ANAPC10: variants seen among roughly 807,000 people sequenced by gnomAD.
ANAPC10 encodes the protein anaphase-promoting complex subunit 10.
In ANAPC10, 12 loss-of-function variants were observed where a neutral mutation model predicts 22.0. The observed-to-expected ratio is 0.55, with a 90% confidence interval of 0.35 to 0.88. The LOEUF is 0.88. ANAPC10 is among the 40% of genes least tolerant of loss of function. ANAPC10 has a pLI of 0.01. For synonymous variants in ANAPC10, 65 were observed against 69.5 expected (o/e 0.94, Z 0.32); for missense variants, 188 against 220.9 (o/e 0.85, Z 0.94).
At chr4:145,097,158 T>G in intron 1 of ANAPC10, 1 of 247,326 alleles carries the variant, frequency 4.0e-6, no homozygotes, top group Non-Finnish European at 8.1e-6. Flanking sequence ...GCCGAGATCG[T>G]GCTACTGCAC....
chr4:145,021,060 A>G (rs781282591), intron 4 of ANAPC10, among the ~76,000 whole-genome samples: 7 of 152,128 alleles, frequency 4.6e-5, no homozygotes, highest in Non-Finnish European at 1.0e-4. Flanking sequence ...TCCCATGTTC[A>G]TGGAATGGTA....
chr4:145,073,830 T>C (rs888572646), intron 3 of ANAPC10, among the ~76,000 whole-genome samples: 9 of 152,096 alleles, frequency 5.9e-5, no homozygotes, highest in African/African-American at 2.2e-4. Flanking sequence ...TTAAAAATGT[T>C]GTATAATGTT....
At chr4:145,010,696 GA>G (rs985875030) in intron 4 of ANAPC10, among the ~76,000 whole-genome samples, 19 of 152,032 alleles carry the variant, frequency 1.2e-4, no homozygotes, top group African/African-American at 4.6e-4. Flanking sequence ...GAGGGGGAGG[GA>G]TAGCATTAGG....
At chr4:145,070,271 T>C (rs1744303047) in intron 3 of ANAPC10, among the ~76,000 whole-genome samples, 1 of 152,186 alleles carries the variant, frequency 6.6e-6, no homozygotes, top group South Asian at 2.1e-4. Context: ...AATACTACAA[T>C]GGCAAAGTTG....
intron 1 of ANAPC10, 196 bp downstream of exon 1, chr4:145,097,924 G>A: frequency 4.8e-6 from 1 of 207,510 alleles, no homozygotes. Context: ...AGAAGAGCGC[G>A]CAACAGTAAG....
At chr4:145,078,720 C>T (rs1745538240) in intron 3 of ANAPC10, among the ~76,000 whole-genome samples, 1 of 152,100 alleles carries the variant, frequency 6.6e-6, no homozygotes, top group Admixed American at 6.6e-5. Flanking sequence ...AGAAATAAAG[C>T]TGCACATCTA....
chr4:145,014,847 C>A (rs939046838), intron 4 of ANAPC10, among the ~76,000 whole-genome samples: 1 of 152,158 alleles, frequency 6.6e-6, no homozygotes, highest in Non-Finnish European at 1.5e-5. Flanking sequence ...ACAATCTCTA[C>A]AGCTCGGCTC....
At chr4:145,037,738 G>A (rs931240159) in intron 4 of ANAPC10, among the ~76,000 whole-genome samples, 10 of 152,106 alleles carry the variant, frequency 6.6e-5, no homozygotes, top group African/African-American at 2.4e-4. Context: ...CTGGAGCCCA[G>A]GAGTTTCAGA....
chr4:145,009,614 G>C (rs1213339696), intron 4 of ANAPC10, among the ~76,000 whole-genome samples: 1 of 152,112 alleles, frequency 6.6e-6, no homozygotes, highest in African/African-American at 2.4e-5. Context: ...AAACTGGCTA[G>C]CCATATGTAG....
chr4:145,048,625 T>C (rs1740666164), intron 4 of ANAPC10, among the ~76,000 whole-genome samples: 1 of 152,020 alleles, frequency 6.6e-6, no homozygotes, highest in East Asian at 1.9e-4. Context: ...ACCACCTCCC[T>C]CAATATAGGT....
chr4:145,062,334 T>C (rs1743013783), intron 4 of ANAPC10, among the ~76,000 whole-genome samples: 2 of 151,972 alleles, frequency 1.3e-5, no homozygotes, highest in Non-Finnish European at 1.5e-5. Flanking sequence ...GGGCTGGGCA[T>C]GGTGGCTCAC....
intron 4 of ANAPC10, among the ~76,000 whole-genome samples, chr4:145,002,582 GAAC>G (rs1464231899): frequency 5.9e-5 from 9 of 152,056 alleles, no homozygotes; most frequent in South Asian, 4.2e-4. Flanking sequence ...CATAACAAAA[GAAC>G]AACTAGATAG....
intron 3 of ANAPC10, among the ~76,000 whole-genome samples, chr4:145,072,152 A>G (rs898617883): frequency 2.6e-5 from 4 of 152,180 alleles, no homozygotes; most frequent in African/African-American, 9.7e-5. Context: ...AGAACTGAAC[A>G]CTTCTATTTC....
At chr4:145,089,231 A>T (rs1747323928) in intron 2 of ANAPC10, among the ~76,000 whole-genome samples, 1 of 152,178 alleles carries the variant, frequency 6.6e-6, no homozygotes, top group African/African-American at 2.4e-5. Context: ...CTTCAATAAA[A>T]ATTTAGTGAT....
chr4:145,025,462 G>A (rs888262969), intron 4 of ANAPC10, among the ~76,000 whole-genome samples: 19 of 151,600 alleles, frequency 1.3e-4, no homozygotes, highest in African/African-American at 4.4e-4. Context: ...CAATATTGTT[G>A]TGTCTCAACC....
intron 4 of ANAPC10, among the ~76,000 whole-genome samples, chr4:145,056,644 CA>C (rs1222439679): frequency 6.6e-6 from 1 of 152,094 alleles, no homozygotes; most frequent in South Asian, 2.1e-4. Context: ...CAAAGGTTAA[CA>C]AGTTTGGGTA....
chr4:145,079,468 G>C (rs1396903820), intron 3 of ANAPC10, among the ~76,000 whole-genome samples: 1 of 152,202 alleles, frequency 6.6e-6, no homozygotes, highest in East Asian at 1.9e-4. Context: ...AAAGCAGTTT[G>C]GAGATTTCTC....
chr4:145,042,934 A>G (rs1349762262), intron 4 of ANAPC10, among the ~76,000 whole-genome samples: 4 of 152,140 alleles, frequency 2.6e-5, no homozygotes, highest in Admixed American at 2.6e-4. Context: ...AAAACAAAAT[A>G]AAGTGTTTTT....
chr4:145,084,312 G>T (rs1746544263), intron 2 of ANAPC10, among the ~76,000 whole-genome samples: 1 of 152,176 alleles, frequency 6.6e-6, no homozygotes, highest in South Asian at 2.1e-4. Flanking sequence ...TAAAGAGGTA[G>T]AATGGTAAGA....
Sources: gnomAD v4.1 joint callset for allele counts (sites outside exome capture counted in the v4.1 genomes callset) on GRCh38, gnomAD v4.1.1 for gene constraint, MANE v1.5 for transcripts, NCBI Gene and HGNC (gene_info 2026-07-23, HGNC 2026-07-21) for gene names.